The following GPR158 variants were observed in gnomAD, a reference collection of about 807,000 sequenced individuals.
GPR158 encodes the protein G protein-coupled receptor 158.
GPR158 carries 30 observed loss-of-function variants against 78.2 expected under a neutral mutation model. That is an observed-to-expected ratio of 0.38 (90% CI 0.29 to 0.52). The LOEUF is 0.52. Ranked by LOEUF, GPR158 falls within the 20% of genes least tolerant of loss-of-function variation. The pLI, the probability that GPR158 is intolerant of heterozygous loss-of-function variation, is 0.83. For missense variants in GPR158, 1,463 were observed against 1,523.5 expected (o/e 0.96, Z 0.66); for synonymous variants, 581 against 591.1 (o/e 0.98, Z 0.25).
intron 1 of GPR158, among the ~76,000 whole-genome samples, chr10:25,209,095 C>T (rs1241400140): frequency 1.1e-4 from 16 of 152,194 alleles, no homozygotes; most frequent in African/African-American, 2.9e-4. Flanking sequence ...ACCTCTGATC[C>T]GCCCACCTCA....
At chr10:25,302,559 G>A (rs561641051) in intron 2 of GPR158, among the ~76,000 whole-genome samples, 6 of 152,134 alleles carry the variant, frequency 3.9e-5, no homozygotes, top group East Asian at 1.9e-4. Context: ...CTTTGGACAG[G>A]GGACAACACA....
intron 6 of GPR158, among the ~76,000 whole-genome samples, chr10:25,569,448 AAAAATATTTATCACAT>A (rs1390155969): frequency 6.6e-6 from 1 of 152,206 alleles, no homozygotes; most frequent in Admixed American, 6.5e-5. Flanking sequence ...AAGTATCAAA[AAAAATATTTATCACAT>A]TTTAACCATG....
intron 2 of GPR158, among the ~76,000 whole-genome samples, chr10:25,342,892 A>G (rs1008571968): frequency 2.0e-5 from 3 of 149,952 alleles, no homozygotes; most frequent in African/African-American, 4.9e-5. Context: ...AGATGTTTCT[A>G]TTGTCACTGT....
At chr10:25,312,792 G>A (rs1200998811) in intron 2 of GPR158, among the ~76,000 whole-genome samples, 1 of 152,124 alleles carries the variant, frequency 6.6e-6, no homozygotes, top group Non-Finnish European at 1.5e-5. Context: ...TTTCTTAAGT[G>A]AAATTGAATC....
intron 2 of GPR158, among the ~76,000 whole-genome samples, chr10:25,332,181 G>A (rs992888180): frequency 3.3e-5 from 5 of 152,146 alleles, no homozygotes; most frequent in African/African-American, 1.2e-4. Context: ...TGGGAGGAGG[G>A]CAGCAGTTTC....
intron 2 of GPR158, among the ~76,000 whole-genome samples, chr10:25,235,252 C>T (rs926811578): frequency 4.6e-5 from 7 of 152,186 alleles, no homozygotes; most frequent in Admixed American, 2.0e-4. Context: ...TTTCCTTCTA[C>T]ATTAGCCACT....
At chr10:25,368,269 C>G (rs919820356) in intron 2 of GPR158, among the ~76,000 whole-genome samples, 12 of 150,098 alleles carry the variant, frequency 8.0e-5, no homozygotes, top group African/African-American at 3.0e-4. Context: ...TCTGATGTAT[C>G]CCCAGTAAGA....
At chr10:25,578,285 G>A (rs1172650339) in intron 7 of GPR158, among the ~76,000 whole-genome samples, 2 of 152,190 alleles carry the variant, frequency 1.3e-5, no homozygotes, top group Non-Finnish European at 2.9e-5. Context: ...CCCTGACACC[G>A]ACAGAGAACC....
At chr10:25,546,159 T>C (rs537981013) in intron 5 of GPR158, among the ~76,000 whole-genome samples, 17 of 152,174 alleles carry the variant, frequency 1.1e-4, no homozygotes, top group Non-Finnish European at 1.8e-4. Context: ...AGGCATTGTG[T>C]CTGCTCAGCA....
intron 2 of GPR158, among the ~76,000 whole-genome samples, chr10:25,297,816 G>A (rs191722818): frequency 6.6e-6 from 1 of 152,256 alleles, no homozygotes; most frequent in African/African-American, 2.4e-5. Flanking sequence ...AATCACTTTA[G>A]ATGAGCAAGG....
At chr10:25,456,652 G>T (rs1296202809) in intron 4 of GPR158, among the ~76,000 whole-genome samples, 1 of 151,986 alleles carries the variant, frequency 6.6e-6, no homozygotes, top group East Asian at 1.9e-4. Context: ...AGATTAAAAA[G>T]GTTCAAATGT....
At chr10:25,394,466 G>A (rs1340812825) in intron 2 of GPR158, among the ~76,000 whole-genome samples, 2 of 152,146 alleles carry the variant, frequency 1.3e-5, no homozygotes, top group Non-Finnish European at 2.9e-5. Flanking sequence ...TTGACCTATT[G>A]TATAACTGGA....
chr10:25,197,819 G>GGACTCTTTGAATTAA, intron 1 of GPR158, among the ~76,000 whole-genome samples: 1 of 151,964 alleles, frequency 6.6e-6, no homozygotes, highest in Non-Finnish European at 1.5e-5. Flanking sequence ...CTCTCTCCTA[G>GGACTCTTTGAATTAA]GACTCTTTGA....
At chr10:25,318,171 T>C (rs1196834603) in intron 2 of GPR158, among the ~76,000 whole-genome samples, 1 of 152,156 alleles carries the variant, frequency 6.6e-6, no homozygotes, top group Admixed American at 6.6e-5. Flanking sequence ...TGGAGCATAG[T>C]GATAGGAGGG....
intron 4 of GPR158, among the ~76,000 whole-genome samples, chr10:25,457,239 C>T (rs1426724472): frequency 6.7e-6 from 1 of 148,198 alleles, no homozygotes; most frequent in East Asian, 2.0e-4. Context: ...AGGTGATCCA[C>T]CGGCCTTGGC....
At chr10:25,249,371 G>A (rs1012243522) in intron 2 of GPR158, among the ~76,000 whole-genome samples, 1 of 152,146 alleles carries the variant, frequency 6.6e-6, no homozygotes, top group Non-Finnish European at 1.5e-5. Flanking sequence ...GGTGAGGGAG[G>A]GCATCCCTGT....
chr10:25,423,432 C>G (rs1018623654), intron 4 of GPR158, among the ~76,000 whole-genome samples: 21 of 151,186 alleles, frequency 1.4e-4, no homozygotes, highest in Non-Finnish European at 2.9e-4. Context: ...TACATGTGCA[C>G]AATGTGCAGG....
chr10:25,356,884 G>A (rs929845718), intron 2 of GPR158, among the ~76,000 whole-genome samples: 2 of 152,082 alleles, frequency 1.3e-5, no homozygotes, highest in Non-Finnish European at 2.9e-5. Flanking sequence ...GCAGAGTTTG[G>A]ATCAGTTTGG....
intron 5 of GPR158, among the ~76,000 whole-genome samples, chr10:25,550,467 G>A (rs1836712615): frequency 6.6e-6 from 1 of 152,112 alleles, no homozygotes; most frequent in Non-Finnish European, 1.5e-5. Context: ...CAGAAGTGTG[G>A]AGGTGGGAAC....
Sources: gnomAD v4.1 joint callset for allele counts (sites outside exome capture counted in the v4.1 genomes callset) on GRCh38, gnomAD v4.1.1 for gene constraint, MANE v1.5 for transcripts, NCBI Gene and HGNC (gene_info 2026-07-23, HGNC 2026-07-21) for gene names.